The following DHRS4 variants were observed in gnomAD, a reference collection of about 807,000 sequenced individuals.
The protein encoded by DHRS4 is dehydrogenase/reductase 4, also known as dehydrogenase/reductase SDR family member 4.
DHRS4 carries 20 observed loss-of-function variants against 28.4 expected under a neutral mutation model. The ratio of observed to expected loss-of-function variants is 0.71; its 90% CI spans 0.50 to 1.02. DHRS4 has a LOEUF of 1.02. Ranked by LOEUF, DHRS4 falls within the 50% of genes least tolerant of loss-of-function variation. The pLI is 0.00. For missense variants in DHRS4, 378 were observed against 367.2 expected (o/e 1.03, Z -0.24); for synonymous variants, 144 against 146.4 (o/e 0.98, Z 0.12).
chr14:23,968,964 T>G lies in DHRS4; in HGVS notation c.*93T>G. On this transcript the variant is annotated 3_prime_UTR_variant, in exon 8 of 8. Coordinates refer to ENST00000313250, the MANE Select transcript of DHRS4 (RefSeq NM_021004.4). ...CTGGCCTTTCCCACCTCTGCTCACC[T>G]TACTGTTCACCTCATCAAATCAGTT... The G allele has an allele frequency of 4.0e-6, 6 of 1,506,180 alleles. No homozygotes were observed. Among genetic ancestry groups the G allele is most frequent in the Non-Finnish European group, 5.3e-6 (6 of 1,123,368 alleles). 93.3% of individuals were successfully genotyped at this position (1,506,180 alleles called of 1,614,324 possible).
intron 3 of DHRS4, among the ~76,000 whole-genome samples, chr14:23,964,886 T>C: frequency 7.3e-6 from 1 of 137,818 alleles, no homozygotes; most frequent in South Asian, 2.2e-4. Context: ...CCTGAGTTTG[T>C]TTTTTTTTTT....
At chr14:23,966,216 T>A (rs993196464) in intron 5 of DHRS4, 67 bp from the exon 6 acceptor site, 36 of 1,581,796 alleles carry the variant, frequency 2.3e-5, no homozygotes, top group Non-Finnish European at 3.1e-5. Flanking sequence ...CTGCCCTCTA[T>A]GTCTAGTTAT....
Position 23,955,215 on chromosome 14 carries a change from G to A in DHRS4, c.306+3G>A, listed in dbSNP as rs1447096492. ...ACCGGGAGCGGCTGGTGGCCACGGT[G>A]AGCTGCAGGGAAATGGGCACAGAGC... is the stretch of plus-strand genomic sequence containing the variant. On this transcript the variant is annotated splice_donor_region_variant and intron_variant, in intron 2 of 7. Transcript: ENST00000313250. 6.2e-7 allele frequency: 1 copy of A among 1,611,690 alleles called. No individual in the cohort carries two copies. Among genetic ancestry groups the A allele is most frequent in the Non-Finnish European group, 8.5e-7 (1 of 1,178,912 alleles).
rs71119059 is a variant in DHRS4 at position 23,964,220 on chromosome 14, TAAAAAAAAAAAAAAAAAAA to T, written c.409-1526_409-1508del. Among the ~76,000 whole-genome samples, 11 of 34,504 alleles carry T rather than the reference TAAAAAAAAAAAAAAAAAAA, an allele frequency of 3.2e-4. 1 individual carries two copies. The South Asian group carries it at 0.012, about 39-fold the overall frequency. 22.6% of individuals were successfully genotyped at this position (34,504 alleles called of 152,430 possible). A position where few individuals can be genotyped will look rare whatever the true frequency, so the allele number is the denominator to read the frequency against. The stretch of plus-strand genomic sequence containing the variant: ...AGGGTTGCCACGAAACTGCAATTTG[TAAAAAAAAAAAAAAAAAAA>T]AAAAAAAAAAAAAAACACAATATCT... On this transcript the variant is annotated intron_variant, in intron 3 of 7. Transcript: ENST00000313250.
Position 23,966,310 on chromosome 14 carries a change from A to G in DHRS4, c.559A>G (p.Thr187Ala), listed in dbSNP as rs1285970137. 6.2e-7 allele frequency: 1 copy of G among 1,613,844 alleles called. No individual in the cohort carries two copies. The highest frequency in any genetic ancestry group is 1.7e-5 in the Admixed American group (1 of 59,984). Reference sequence around the variant, plus strand: ...CTTCAGTCCTTACAATGTCAGTAAAACAGCCTTGCTGGGCCTGACCAAGAC... The same window carrying G: ...CTTCAGTCCTTACAATGTCAGTAAAGCAGCCTTGCTGGGCCTGACCAAGAC... ...PGFSPYNVSK[T>A]ALLGLTKTLA... The change falls in exon 6 of 8, where the codon ACA (threonine) becomes GCA (alanine). Residue 187 changes from threonine to alanine, a missense_variant. Thr to Ala is a moderately conservative substitution (Grantham distance 58). Transcript: ENST00000313250.
At chr14:23,961,258 C>A (rs1339949915) in intron 3 of DHRS4, among the ~76,000 whole-genome samples, 1 of 149,878 alleles carries the variant, frequency 6.7e-6, no homozygotes, top group African/African-American at 2.5e-5. Flanking sequence ...AAAGACCAAA[C>A]TGCCAAAATG....
At position 23,953,904 on chromosome 14, in the gene DHRS4, C is replaced by A; in HGVS notation, c.116C>A (p.Ala39Asp). 8 of 1,595,132 alleles carry A rather than the reference C, an allele frequency of 5.0e-6. No homozygotes were observed. Among genetic ancestry groups the A allele is most frequent in the African/African-American group, 1.4e-5 (1 of 74,066 alleles). Residue 39 changes from alanine (A) to aspartate (D), a missense_variant, in exon 1 of 8, where the codon GCC becomes GAC. Coordinates refer to ENST00000313250, the MANE Select transcript of DHRS4 (RefSeq NM_021004.4). ...PLANKVALVT[A>D]STDGIGFAIA... ...GCAAATAAGGTGGCCCTGGTAACGG[C>A]CTCCACCGACGGGTGAGTGCTCCGG... is the stretch of plus-strand genomic sequence containing the variant.
chr14:23,958,770 A>G (rs2033277825), intron 2 of DHRS4, among the ~76,000 whole-genome samples: 1 of 152,186 alleles, frequency 6.6e-6, no homozygotes, highest in South Asian at 2.1e-4. Flanking sequence ...TCTGTGCTAC[A>G]AAGTGGGAGA....
Position 23,959,917 on chromosome 14 carries a change from G to A in DHRS4, c.322G>A (p.Gly108Arg), listed in dbSNP as rs1349336290. Residue 108 changes from glycine (G) to arginine (R), a missense_variant, in exon 3 of 8, where the codon GGA (glycine) becomes AGA (arginine). By Grantham distance (125) the Gly-to-Arg change is moderately radical. Coordinates refer to ENST00000313250, the MANE Select transcript of DHRS4 (RefSeq NM_021004.4). The part of the protein sequence containing the change: ...RLVATAVKLH[G>R]GIDILVSNAA... ...CTCTCTCTAGGCTGTGAAGCTTCAT[G>A]GAGGTATCGATATCCTAGTCTCCAA... The A allele has an allele frequency of 5.0e-6, 8 of 1,613,332 alleles. No homozygotes were observed. The highest frequency in any genetic ancestry group is 1.6e-4 in the Middle Eastern group (1 of 6,080).
Position 23,955,204 on chromosome 14 carries a change from GT to G in DHRS4, c.299del (p.Val100GlyfsTer5). 1 of 1,612,864 alleles carries G rather than the reference GT, an allele frequency of 6.2e-7. No individual in the cohort carries two copies. Among genetic ancestry groups the G allele is most frequent in the South Asian group, 1.1e-5 (1 of 90,930 alleles). On this transcript the variant is annotated frameshift_variant, in exon 2 of 8. Coordinates refer to ENST00000313250, the MANE Select transcript of DHRS4 (RefSeq NM_021004.4). LOFTEE classifies it high-confidence loss of function. ...VGKAEDRERL[V>X]ATAVKLHGGI... Reference sequence around the variant, plus strand: ...GAAGGCGGAGGACCGGGAGCGGCTGGTGGCCACGGTGAGCTGCAGGGAAATG... The same window carrying G: ...GAAGGCGGAGGACCGGGAGCGGCTGGGGCCACGGTGAGCTGCAGGGAAATG...
chr14:23,959,043 C>G (rs367603567), intron 2 of DHRS4, among the ~76,000 whole-genome samples: 8 of 152,094 alleles, frequency 5.3e-5, no homozygotes, highest in African/African-American at 1.9e-4. Context: ...TAAGTGTGGA[C>G]AGATTGACTT....
At chr14:23,966,783 T>C (rs1446457063) in intron 6 of DHRS4, among the ~76,000 whole-genome samples, 1 of 152,274 alleles carries the variant, frequency 6.6e-6, no homozygotes, top group East Asian at 1.9e-4. Context: ...GAGGGAAGTC[T>C]CTCTCCCCAT....
rs535519143 is a variant in DHRS4 at position 23,964,875 on chromosome 14, C to G, written c.409-887C>G. Among the ~76,000 whole-genome samples the G allele has an allele frequency of 2.7e-4, 41 of 150,896 alleles. 1 individual carries two copies. The East Asian group carries it at 7.2e-3, about 26-fold the overall frequency. ...TGCAGGCATGAGCCACCATGCCCAG[C>G]CCTGAGTTTGTTTTTTTTTTTTAAT... On this transcript the variant is annotated intron_variant, in intron 3 of 7. Transcript: ENST00000313250.
intron 3 of DHRS4, among the ~76,000 whole-genome samples, chr14:23,961,875 T>A (rs1345382534): frequency 6.8e-6 from 1 of 146,684 alleles, no homozygotes; most frequent in Non-Finnish European, 1.5e-5. Flanking sequence ...AGAGACCATA[T>A]GAAAGTCAGT....
rs776954421 is a variant in DHRS4, at chr14:23,955,519, T to C, written c.306+307T>C. Among the ~76,000 whole-genome samples, 215 of 152,116 alleles carry C rather than the reference T, an allele frequency of 1.4e-3. 1 individual carries two copies. The highest frequency in any genetic ancestry group is 3.4e-3 in the African/African-American group (139 of 41,456). On this transcript the variant is annotated intron_variant, in intron 2 of 7. Transcript: ENST00000313250. ...CAAAATACATGTTCCCACCCATGAG[T>C]TAATAAACATTCCCCTCTTCTTCAG...
In DHRS4 at chr14:23,961,434, C is replaced by T. The variant is rs186221570; in HGVS notation, c.408+1431C>T. Among the ~76,000 whole-genome samples the T allele has an allele frequency of 3.8e-3, 487 of 127,958 alleles. 32 individuals are homozygous for T. Among genetic ancestry groups the T allele is most frequent in the Non-Finnish European group, 5.7e-3 (378 of 66,320 alleles). The allele number at this position is 127,958 out of a possible 152,430, so 83.9% of individuals were successfully genotyped here. A position where few individuals can be genotyped will look rare whatever the true frequency, so the allele number is the denominator to read the frequency against. ...AAATAACTTCTCTTTCTTAAACCGT[C>T]TTTTCTTCAAAACTACCCAGAGATT... is the stretch of plus-strand genomic sequence containing the variant. On this transcript the variant is annotated intron_variant, in intron 3 of 7. Transcript: ENST00000313250.
At chr14:23,956,184 G>C (rs1393681481) in intron 2 of DHRS4, among the ~76,000 whole-genome samples, 1 of 152,214 alleles carries the variant, frequency 6.6e-6, no homozygotes, top group African/African-American at 2.4e-5. Flanking sequence ...ACAAATGTGA[G>C]TCCAAAAAAG....
intron 2 of DHRS4, 117 bp from the exon 3 acceptor site, chr14:23,959,785 C>T: frequency 2.4e-6 from 3 of 1,275,330 alleles, no homozygotes; most frequent in Non-Finnish European, 3.4e-6. Context: ...TCCCAAAGTG[C>T]CATGATTACA....
chr14:23,962,833 T>C (rs1467877066), intron 3 of DHRS4, among the ~76,000 whole-genome samples: 1 of 150,012 alleles, frequency 6.7e-6, no homozygotes, highest in Non-Finnish European at 1.5e-5. Flanking sequence ...ATGGCAGCTA[T>C]AGCCTTACAA....
Sources: allele counts gnomAD v4.1 joint callset (sites outside exome capture counted in the v4.1 genomes callset), GRCh38; gene constraint gnomAD v4.1.1; transcripts MANE v1.5; gene names NCBI Gene and HGNC (gene_info 2026-07-23, HGNC 2026-07-21).